The following SOX5 variants were observed in gnomAD, a reference collection of about 807,000 sequenced individuals.
SOX5 encodes SRY-box transcription factor 5.
In SOX5, 9 loss-of-function variants were observed where a neutral mutation model predicts 92.0. The ratio of observed to expected loss-of-function variants is 0.10; its 90% CI spans 0.06 to 0.17. SOX5 has a LOEUF of 0.17. Ranked by LOEUF, SOX5 falls within the 10% of genes least tolerant of loss-of-function variation. The pLI is 1.00. For synonymous variants in SOX5, 344 were observed against 336.3 expected, an observed-to-expected ratio of 1.02 and a Z score of -0.25; for missense variants, 642 against 944.5, an observed-to-expected ratio of 0.68 and a Z score of 4.20.
intron 9 of SOX5, among the ~76,000 whole-genome samples, chr12:23,598,087 T>C (rs1952765332): frequency 1.3e-5 from 2 of 152,194 alleles, no homozygotes; most frequent in Non-Finnish European, 2.9e-5. Flanking sequence ...AAATACTACA[T>C]TCACAGACCA....
At chr12:24,219,844 T>G (rs1959976938) in intron 3 of SOX5, among the ~76,000 whole-genome samples, 1 of 152,140 alleles carries the variant, frequency 6.6e-6, no homozygotes, top group African/African-American at 2.4e-5. Context: ...GCACTTATTA[T>G]AAGATATTGC....
At chr12:24,081,598 C>T (rs564199765) in intron 4 of SOX5, among the ~76,000 whole-genome samples, 1 of 151,930 alleles carries the variant, frequency 6.6e-6, no homozygotes, top group African/African-American at 2.4e-5. Context: ...TAAATTAGTT[C>T]AACTCAATTA....
intron 1 of SOX5, among the ~76,000 whole-genome samples, chr12:24,468,386 T>G (rs74601688): frequency 0.019 from 2,949 of 152,056 alleles, 41 homozygotes; most frequent in Admixed American, 0.035. Context: ...AATTAGTTCA[T>G]GTACAGCATG....
intron 4 of SOX5, among the ~76,000 whole-genome samples, chr12:24,175,477 T>C (rs1486683577): frequency 6.6e-6 from 1 of 152,216 alleles, no homozygotes; most frequent in Non-Finnish European, 1.5e-5. Context: ...GCACAGTGCA[T>C]GCACGCTGGG....
At chr12:23,816,150 G>A (rs1011515605) in intron 3 of SOX5, among the ~76,000 whole-genome samples, 1 of 151,500 alleles carries the variant, frequency 6.6e-6, no homozygotes, top group Non-Finnish European at 1.5e-5. Flanking sequence ...CCCTATTTGC[G>A]GACCACTGCT....
chr12:24,555,378 G>A (rs1453530580), intron 1 of SOX5, among the ~76,000 whole-genome samples: 2 of 152,122 alleles, frequency 1.3e-5, no homozygotes, highest in African/African-American at 2.4e-5. Context: ...AAGGATTAAT[G>A]GAAGATAAAT....
intron 13 of SOX5, among the ~76,000 whole-genome samples, chr12:23,540,628 T>C (rs1176360604): frequency 1.3e-5 from 2 of 152,168 alleles, no homozygotes; most frequent in East Asian, 3.8e-4. Context: ...TAAACTACTG[T>C]ATATCTAATC....
chr12:24,381,230 TTC>T lies in SOX5; in HGVS notation c.-250-12593_-250-12592del, dbSNP rs1255918678. Among the ~76,000 whole-genome samples the T allele has an allele frequency of 8.5e-5, 13 of 152,296 alleles. No homozygotes were observed. The South Asian group carries it at 1.5e-3, about 17-fold the overall frequency. Reference sequence around the variant, plus strand: ...CCAAAACAACAAAACAATAAAAACATTCTGTTTCATAAAGAGGAAACAAGTAT... The same window carrying T: ...CCAAAACAACAAAACAATAAAAACATTGTTTCATAAAGAGGAAACAAGTAT... On this transcript the variant is annotated intron_variant, in intron 1 of 4. Coordinates refer to the SOX5 transcript ENST00000446891.
intron 2 of SOX5, among the ~76,000 whole-genome samples, chr12:23,882,670 C>T (rs113688175): frequency 1.2e-4 from 19 of 152,276 alleles, no homozygotes; most frequent in African/African-American, 4.6e-4. Flanking sequence ...TTCATACTAA[C>T]TGAAACTCAC....
chr12:23,694,753 T>C (rs1047988126), intron 6 of SOX5, among the ~76,000 whole-genome samples: 2 of 151,702 alleles, frequency 1.3e-5, no homozygotes, highest in Admixed American at 1.3e-4. Context: ...TTTTGCATTT[T>C]ATAAAGGCAA....
At chr12:23,665,805 G>A (rs748945074) in intron 6 of SOX5, among the ~76,000 whole-genome samples, 2 of 152,116 alleles carry the variant, frequency 1.3e-5, no homozygotes, top group Non-Finnish European at 2.9e-5. Flanking sequence ...ATAGTTTCCC[G>A]AAATGATATC....
At chr12:24,322,049 T>C (rs1012694213) in intron 2 of SOX5, among the ~76,000 whole-genome samples, 3 of 152,166 alleles carry the variant, frequency 2.0e-5, no homozygotes, top group African/African-American at 4.8e-5. Flanking sequence ...TTTTCCTTCC[T>C]GCAATAAATT....
chr12:23,783,316 C>T (rs947708667), intron 3 of SOX5, among the ~76,000 whole-genome samples: 1 of 152,028 alleles, frequency 6.6e-6, no homozygotes, highest in African/African-American at 2.4e-5. Flanking sequence ...ATGTCTAGTT[C>T]GTATAACAGT....
intron 3 of SOX5, among the ~76,000 whole-genome samples, chr12:23,798,338 T>C (rs2095601600): frequency 6.6e-6 from 1 of 152,062 alleles, no homozygotes; most frequent in African/African-American, 2.4e-5. Flanking sequence ...AATTCTTATT[T>C]TTCTCTTTCC....
intron 1 of SOX5, among the ~76,000 whole-genome samples, chr12:24,490,994 C>T (rs1947009286): frequency 6.6e-6 from 1 of 152,146 alleles, no homozygotes; most frequent in Non-Finnish European, 1.5e-5. Context: ...ACCCCCATTC[C>T]TTTTATCCCA....
At chr12:24,486,610 C>G (rs925145355) in intron 1 of SOX5, among the ~76,000 whole-genome samples, 2 of 152,156 alleles carry the variant, frequency 1.3e-5, no homozygotes, top group African/African-American at 4.8e-5. Context: ...GGTCATTATC[C>G]CCTATAATCC....
intron 1 of SOX5, among the ~76,000 whole-genome samples, chr12:23,906,965 A>G (rs532536813): frequency 7.6e-4 from 116 of 152,306 alleles, no homozygotes; most frequent in African/African-American, 2.6e-3. Context: ...TACTGTGTGA[A>G]ATGCTTACCC....
chr12:24,194,529 C>T (rs1302439698), intron 4 of SOX5, among the ~76,000 whole-genome samples: 1 of 152,096 alleles, frequency 6.6e-6, no homozygotes, highest in African/African-American at 2.4e-5. Context: ...TACTTGGGAA[C>T]AACATATCTA....
intron 1 of SOX5, among the ~76,000 whole-genome samples, chr12:24,533,232 G>T (rs950801864): frequency 6.6e-6 from 1 of 152,064 alleles, no homozygotes; most frequent in Non-Finnish European, 1.5e-5. Context: ...TTTGTAAGGA[G>T]CTTGTTCCAG....
Sources: gnomAD v4.1 joint callset for allele counts (sites outside exome capture counted in the v4.1 genomes callset) on GRCh38, gnomAD v4.1.1 for gene constraint, MANE v1.5 for transcripts, NCBI Gene and HGNC (gene_info 2026-07-23, HGNC 2026-07-21) for gene names.